Variants in ITPKB observed in about 807,000 individuals in gnomAD.
The protein encoded by ITPKB is IP3 3-kinase B.
A neutral mutation model predicts 69.4 loss-of-function variants in ITPKB; 13 were observed. The ratio of observed to expected loss-of-function variants is 0.19; its 90% CI spans 0.12 to 0.30. ITPKB has a LOEUF of 0.30. Among genes scored for constraint, ITPKB ranks in the 10% least tolerant of loss-of-function variants. The pLI is 1.00. For missense variants in ITPKB, 1,240 were observed against 1,250.5 expected, an observed-to-expected ratio of 0.99 and a Z score of 0.13; for synonymous variants, 584 against 513.7, an observed-to-expected ratio of 1.14 and a Z score of -1.85.
intron 2 of ITPKB, 82 bp downstream of exon 2, chr1:226,735,443 AAG>A: frequency 7.2e-7 from 1 of 1,379,402 alleles, no homozygotes; most frequent in Non-Finnish European, 9.5e-7. Flanking sequence ...ACTGTGTAGA[AAG>A]TTAAGAAAAA....
intron 2 of ITPKB, among the ~76,000 whole-genome samples, chr1:226,703,783 C>T (rs1214994575): frequency 6.6e-6 from 1 of 152,212 alleles, no homozygotes; most frequent in Admixed American, 6.5e-5. Flanking sequence ...GCGCTGCTGG[C>T]CGCCAGCTTC....
intron 2 of ITPKB, among the ~76,000 whole-genome samples, chr1:226,715,364 C>G (rs556971054): frequency 6.6e-5 from 10 of 152,252 alleles, no homozygotes; most frequent in Non-Finnish European, 1.0e-4. Context: ...CGTGCATTCT[C>G]TTTAGCAAAA....
chr1:226,714,275 A>G (rs148144614), intron 2 of ITPKB, among the ~76,000 whole-genome samples: 22 of 152,338 alleles, frequency 1.4e-4, no homozygotes, highest in Non-Finnish European at 2.6e-4. Context: ...GTGATTCACC[A>G]TGTTCTCATT....
At chr1:226,657,584 C>G (rs1369301825) in intron 2 of ITPKB, among the ~76,000 whole-genome samples, 2 of 152,136 alleles carry the variant, frequency 1.3e-5, no homozygotes, top group Non-Finnish European at 2.9e-5. Context: ...ACGGTATTGC[C>G]AGCCGAACTC....
intron 2 of ITPKB, among the ~76,000 whole-genome samples, chr1:226,669,397 C>CAA (rs201330528): frequency 1.6e-5 from 2 of 127,842 alleles, no homozygotes; most frequent in Non-Finnish European, 1.7e-5. Context: ...AACTCTGTCT[C>CAA]AAAAAAAAAA....
chr1:226,709,187 A>G (rs767222761), intron 2 of ITPKB, among the ~76,000 whole-genome samples: 1 of 152,252 alleles, frequency 6.6e-6, no homozygotes, highest in Non-Finnish European at 1.5e-5. Flanking sequence ...CAGAAAAAGT[A>G]CAGGATGCCC....
At chr1:226,737,745 G>A (rs1657849668) in intron 1 of ITPKB, 82 bp from the exon 2 acceptor site, 1 of 255,172 alleles carries the variant, frequency 3.9e-6, no homozygotes, top group Non-Finnish European at 6.5e-6. Flanking sequence ...CCCAGAGAGA[G>A]CCCCGGGAAC....
chr1:226,670,175 C>CAAAA (rs35767912), intron 2 of ITPKB, among the ~76,000 whole-genome samples: 4,938 of 31,942 alleles, frequency 0.15, 646 homozygotes, highest in African/African-American at 0.18. Flanking sequence ...AGCTCCGCCG[C>CAAAA]AAAAAAAAAA....
chr1:226,651,882 C>T (rs907742524), intron 2 of ITPKB, among the ~76,000 whole-genome samples: 3 of 152,202 alleles, frequency 2.0e-5, no homozygotes, highest in African/African-American at 4.8e-5. Context: ...TACCGCTTGG[C>T]TCCCCTCTGC....
At chr1:226,659,370 G>C (rs986434982) in intron 2 of ITPKB, among the ~76,000 whole-genome samples, 1 of 152,008 alleles carries the variant, frequency 6.6e-6, no homozygotes, top group African/African-American at 2.4e-5. Flanking sequence ...AGGGAGCAGG[G>C]TCCCTCCGGG....
At chr1:226,688,729 C>T (rs557402801) in intron 2 of ITPKB, among the ~76,000 whole-genome samples, 21 of 152,196 alleles carry the variant, frequency 1.4e-4, no homozygotes, top group Non-Finnish European at 2.2e-4. Flanking sequence ...TTGGAATCCA[C>T]CAACAATCTT....
At chr1:226,716,287 G>A (rs17589895) in intron 2 of ITPKB, among the ~76,000 whole-genome samples, 8,050 of 152,288 alleles carry the variant, frequency 0.053, 281 homozygotes, top group Non-Finnish European at 0.075. Context: ...ATCATCTTCT[G>A]TCAAAAATTG....
chr1:226,721,834 A>T (rs1295273537), intron 2 of ITPKB, among the ~76,000 whole-genome samples: 1 of 139,784 alleles, frequency 7.2e-6, no homozygotes, highest in Admixed American at 7.4e-5. Context: ...TTTTCTTGAG[A>T]TGGAGTTTTG....
At chr1:226,732,256 T>C (rs1398204940) in intron 2 of ITPKB, among the ~76,000 whole-genome samples, 1 of 152,196 alleles carries the variant, frequency 6.6e-6, no homozygotes, top group African/African-American at 2.4e-5. Flanking sequence ...TGTTTTGTTT[T>C]GAAACGGAGT....
intron 2 of ITPKB, among the ~76,000 whole-genome samples, chr1:226,706,586 C>T (rs1385105722): frequency 6.6e-6 from 1 of 152,164 alleles, no homozygotes; most frequent in African/African-American, 2.4e-5. Flanking sequence ...GCATAAGACC[C>T]AAAAGGGGTT....
At chr1:226,708,689 C>T (rs1412290109) in intron 2 of ITPKB, among the ~76,000 whole-genome samples, 1 of 152,216 alleles carries the variant, frequency 6.6e-6, no homozygotes, top group East Asian at 1.9e-4. Context: ...GCAGAGGACA[C>T]AGGTCTTTCA....
rs1263162774 is a variant in ITPKB, at chr1:226,633,977, A to G, written c.*694T>C. On this transcript the variant is annotated 3_prime_UTR_variant, in exon 8 of 8. Transcript: ENST00000429204. ...CGCCTCCTCTGGGAAGGCCTAGATCAGAGAACACAGCCAAGCTGGCTTCAG... is the reference window on the plus strand; with the variant it reads ...CGCCTCCTCTGGGAAGGCCTAGATCGGAGAACACAGCCAAGCTGGCTTCAG... The G allele has an allele frequency of 1.3e-5, 2 of 152,478 alleles. No individual in the cohort carries two copies. The allele number at this position is 152,478 out of a possible 1,614,324, so 9.4% of individuals were successfully genotyped here. A position where few individuals can be genotyped will look rare whatever the true frequency, so the allele number is the denominator to read the frequency against.
chr1:226,663,632 G>A (rs1460347159), intron 2 of ITPKB, among the ~76,000 whole-genome samples: 1 of 151,928 alleles, frequency 6.6e-6, no homozygotes, highest in Admixed American at 6.6e-5. Context: ...CAATCCTCCT[G>A]CCTCAGCCTC....
At chr1:226,680,680 C>G (rs1176962650) in intron 2 of ITPKB, among the ~76,000 whole-genome samples, 1 of 152,214 alleles carries the variant, frequency 6.6e-6, no homozygotes, top group Non-Finnish European at 1.5e-5. Context: ...AGAGACCAGG[C>G]TCAGCCCAGT....
Sources: gnomAD v4.1 joint callset for allele counts (sites outside exome capture counted in the v4.1 genomes callset) on GRCh38, gnomAD v4.1.1 for gene constraint, MANE v1.5 for transcripts, NCBI Gene and HGNC (gene_info 2026-07-23, HGNC 2026-07-21) for gene names.